Variants in RPAIN observed in about 807,000 individuals in gnomAD.
RPAIN encodes the protein RPA-interacting protein.
A neutral mutation model predicts 30.5 loss-of-function variants in RPAIN; 29 were observed. That is an observed-to-expected ratio of 0.95 (90% CI 0.71 to 1.30). The LOEUF (loss-of-function observed/expected upper bound fraction) is 1.30, where lower values mean the gene tolerates loss of function less well. Ranked by LOEUF, RPAIN falls within the 50% of genes most tolerant of loss-of-function variation. RPAIN has a pLI of 0.00. For synonymous variants in RPAIN, 101 were observed against 93.5 expected (o/e 1.08, Z -0.46); for missense variants, 247 against 264.7 (o/e 0.93, Z 0.46).
Position 5,432,856 on chromosome 17 carries a change from T to C in RPAIN, c.*285T>C. ...AATAGATTTGTACAGAAAAAAATGA[T>C]AATAAATGAGAACACAAAACATATA... is the stretch of plus-strand genomic sequence containing the variant. On this transcript the variant is annotated 3_prime_UTR_variant, in exon 7 of 7. Coordinates refer to ENST00000381209, the MANE Select transcript of RPAIN (RefSeq NM_001033002.4). 1.0e-6 allele frequency: 1 copy of C among 974,308 alleles called. No homozygotes were observed. Among genetic ancestry groups the C allele is most frequent in the South Asian group, 2.0e-5 (1 of 50,024 alleles). The allele number at this position is 974,308 out of a possible 1,614,324, so 60.4% of individuals were successfully genotyped here. A position where few individuals can be genotyped will look rare whatever the true frequency, so the allele number is the denominator to read the frequency against.
intron 4 of RPAIN, 23 bp from the exon 5 acceptor site, chr17:5,426,213 T>C (rs1450866663): frequency 1.2e-6 from 2 of 1,613,314 alleles, no homozygotes; most frequent in Non-Finnish European, 1.7e-6. Context: ...CATGATGCTC[T>C]GGGATCCTAA....
Position 5,423,921 on chromosome 17 carries a change from T to A in RPAIN, c.313+1092T>A, listed in dbSNP as rs1001649243. On this transcript the variant is annotated intron_variant, in intron 3 of 6. Transcript: ENST00000381209. ...GCGTGTGCCACCACCCCTGGCTAAT[T>A]TTTTTTTATTAATTTTTTTTTTTTA... 1.9e-4 allele frequency among the ~76,000 whole-genome samples: 27 copies of A among 141,168 alleles called. 1 individual carries two copies. The highest frequency in any genetic ancestry group is 1.7e-4 in the Non-Finnish European group (11 of 65,504). 92.6% of individuals were successfully genotyped at this position (141,168 alleles called of 152,430 possible).
Position 5,432,639 on chromosome 17 carries a change from A to G in RPAIN, c.*68A>G, listed in dbSNP as rs1400860786. On this transcript the variant is annotated 3_prime_UTR_variant, in exon 7 of 7. Coordinates refer to ENST00000381209, the MANE Select transcript of RPAIN (RefSeq NM_001033002.4). ...TCATTCCCTCTGAGGAGCCTTGTACATACAAGCCTTTTATTTATAACTTAT... is the reference window on the plus strand; with the variant it reads ...TCATTCCCTCTGAGGAGCCTTGTACGTACAAGCCTTTTATTTATAACTTAT... 1.5e-5 allele frequency: 21 copies of G among 1,373,098 alleles called. No homozygotes were observed. Among genetic ancestry groups the G allele is most frequent in the East Asian group, 2.3e-5 (1 of 43,718 alleles). The allele number at this position is 1,373,098 out of a possible 1,614,324, so 85.1% of individuals were successfully genotyped here.
chr17:5,431,455 C>A (rs1255677191), intron 6 of RPAIN: 1 of 431,850 alleles, frequency 2.3e-6, no homozygotes. Flanking sequence ...CCATTGCGCT[C>A]CAGGCTGGGT....
Position 5,422,834 on chromosome 17 carries a change from C to T in RPAIN, c.313+5C>T, listed in dbSNP as rs1915006385. 2 of 1,602,468 alleles carry T rather than the reference C, an allele frequency of 1.2e-6. No individual in the cohort carries two copies. The highest frequency in any genetic ancestry group is 1.3e-5 in the African/African-American group (1 of 74,714). On this transcript the variant is annotated splice_donor_5th_base_variant and intron_variant, in intron 3 of 6. Transcript: ENST00000381209. ...AACAGGAGCTGATCAACCAAGGTAA[C>T]CCCTAGTGGTAGTCCTTCCTTACCT... is the stretch of plus-strand genomic sequence containing the variant.
At chr17:5,423,003 G>T in intron 3 of RPAIN, 174 bp downstream of exon 3, 1 of 574,100 alleles carries the variant, frequency 1.7e-6, no homozygotes. Flanking sequence ...AATAATAAGG[G>T]TCTCCAGGGT....
chr17:5,428,207 G>A lies in RPAIN; in HGVS notation c.626G>A (p.Cys209Tyr). Residue 209 changes from cysteine (C) to tyrosine (Y), a missense_variant, in exon 6 of 7, where the codon TGT (cysteine) becomes TAT (tyrosine). Cys to Tyr is a radical substitution (Grantham distance 194). Transcript: ENST00000381209. ...TEEKSSLLMSCLACDTWAVIL is the reference protein window; with the variant it reads ...TEEKSSLLMSYLACDTWAVIL ...GAAAAGTCCAGTCTTCTCATGAGCTGTCTGGTAAGCGTCTCCTGGGACCCA... is the reference window on the plus strand; with the variant it reads ...GAAAAGTCCAGTCTTCTCATGAGCTATCTGGTAAGCGTCTCCTGGGACCCA... 6.2e-7 allele frequency: 1 copy of A among 1,614,218 alleles called. No homozygotes were observed. The highest frequency in any genetic ancestry group is 8.5e-7 in the Non-Finnish European group (1 of 1,180,038).
Position 5,428,055 on chromosome 17 carries a change from CTTT to C in RPAIN, c.490-12_490-10del. 3 of 1,613,806 alleles carry C rather than the reference CTTT, an allele frequency of 1.9e-6. No homozygotes were observed. On this transcript the variant is annotated splice_polypyrimidine_tract_variant and intron_variant, in intron 5 of 6. Coordinates refer to ENST00000381209, the MANE Select transcript of RPAIN (RefSeq NM_001033002.4). ...ATCAAGTCACTGAGAGGAGGTTGAA[CTTT>C]TTTATTTTGTAGTCTTCTGAGTTGA...
intron 6 of RPAIN, chr17:5,429,386 T>C (rs999873206): frequency 1.0e-6 from 1 of 985,334 alleles, no homozygotes; most frequent in African/African-American, 1.7e-5. Flanking sequence ...GAGCATCTTG[T>C]TCTACTTAGC....
At chr17:5,428,376 C>T in intron 6 of RPAIN, 165 bp downstream of exon 6, 1 of 1,502,718 alleles carries the variant, frequency 6.7e-7, no homozygotes, top group African/African-American at 1.4e-5. Context: ...CATTTAGACT[C>T]AAAGGCCAGT....
At chr17:5,428,644 C>G in intron 6 of RPAIN, 1 of 824,506 alleles carries the variant, frequency 1.2e-6, no homozygotes, top group Non-Finnish European at 1.6e-6. Context: ...ATTCGCTAAC[C>G]TGAGTGACAA....
chr17:5,423,296 G>A (rs1915053454), intron 3 of RPAIN, among the ~76,000 whole-genome samples: 1 of 151,184 alleles, frequency 6.6e-6, no homozygotes, highest in Admixed American at 6.6e-5. Flanking sequence ...TATTGCTTGA[G>A]GCCAGTTCAA....
At chr17:5,423,062 A>T (rs1915028676) in intron 3 of RPAIN, 1 of 423,464 alleles carries the variant, frequency 2.4e-6, no homozygotes, top group Admixed American at 3.9e-5. Flanking sequence ...TGTTTTCTCC[A>T]TGTGACTGCC....
intron 6 of RPAIN, chr17:5,432,095 C>A (rs1332194815): frequency 4.6e-6 from 1 of 217,676 alleles, no homozygotes; most frequent in Admixed American, 5.2e-5. Context: ...CTGATCATGT[C>A]TTTACATGTT....
chr17:5,425,177 G>C (rs994126937), intron 3 of RPAIN: 1 of 386,534 alleles, frequency 2.6e-6, no homozygotes, highest in Non-Finnish European at 5.1e-6. Flanking sequence ...TAGACTGTGA[G>C]CTCAACAATG....
chr17:5,428,918 A>G (rs1915658771), intron 6 of RPAIN: 1 of 980,888 alleles, frequency 1.0e-6, no homozygotes, highest in Non-Finnish European at 1.2e-6. Context: ...TCTACTGGGA[A>G]TTTAGAATTC....
At chr17:5,432,481 A>G in intron 6 of RPAIN, 61 bp from the exon 7 acceptor site, 1 of 1,464,624 alleles carries the variant, frequency 6.8e-7, no homozygotes, top group Non-Finnish European at 9.6e-7. Flanking sequence ...TACAACTTTT[A>G]TCAGATATCT....
chr17:5,428,307 G>A (rs746273141), intron 6 of RPAIN, 96 bp downstream of exon 6: 4 of 1,579,346 alleles, frequency 2.5e-6, no homozygotes, highest in Non-Finnish European at 2.6e-6. Flanking sequence ...ACAGGTAAAT[G>A]TTTAATGCAG....
chr17:5,422,665 C>A lies in RPAIN; in HGVS notation c.253-104C>A, dbSNP rs1032784955. On this transcript the variant is annotated intron_variant, in intron 2 of 6. Coordinates refer to ENST00000381209, the MANE Select transcript of RPAIN (RefSeq NM_001033002.4). The stretch of plus-strand genomic sequence containing the variant: ...GCAGGAGGACTGGACTGATTTTGTC[C>A]AATAAATCTGGGTTCTTCAAGCCAG... The A allele has an allele frequency of 1.0e-5, 10 of 966,164 alleles. No homozygotes were observed. The African/African-American group carries it at 1.4e-4, about 14-fold the overall frequency. The allele number at this position is 966,164 out of a possible 1,614,324, so 59.8% of individuals were successfully genotyped here.
Sources: gnomAD v4.1 joint callset for allele counts (sites outside exome capture counted in the v4.1 genomes callset) on GRCh38, gnomAD v4.1.1 for gene constraint, MANE v1.5 for transcripts, NCBI Gene and HGNC (gene_info 2026-07-23, HGNC 2026-07-21) for gene names.